Variants in RBFOX1 observed in about 807,000 individuals in gnomAD.
The protein encoded by RBFOX1 is RNA binding protein fox-1 homolog 1.
A neutral mutation model predicts 57.7 loss-of-function variants in RBFOX1; 8 were observed. The observed-to-expected ratio is 0.14, with a 90% CI of 0.08 to 0.25. The LOEUF is 0.25. Ranked by LOEUF, RBFOX1 falls within the 10% of genes least tolerant of loss-of-function variation. The probability of loss-of-function intolerance (pLI) is 1.00; values close to 1 mark genes in which losing one functional copy is unlikely to be tolerated. For synonymous variants in RBFOX1, 326 were observed against 222.4 expected (o/e 1.47, Z -4.15); for missense variants, 611 against 548.5 (o/e 1.11, Z -1.14).
intron 4 of RBFOX1, among the ~76,000 whole-genome samples, chr16:7,207,602 C>T (rs1354120248): frequency 6.6e-6 from 1 of 152,186 alleles, no homozygotes; most frequent in Non-Finnish European, 1.5e-5. Flanking sequence ...GAAACTATGA[C>T]AGCAAAACAG....
At chr16:5,308,771 T>C (rs1221556351) in intron 1 of RBFOX1, among the ~76,000 whole-genome samples, 2 of 152,084 alleles carry the variant, frequency 1.3e-5, no homozygotes, top group Non-Finnish European at 2.9e-5. Context: ...TCAATATTTG[T>C]CTTATATTAA....
intron 2 of RBFOX1, among the ~76,000 whole-genome samples, chr16:5,513,505 A>T (rs955089648): frequency 3.9e-4 from 60 of 152,230 alleles, no homozygotes; most frequent in African/African-American, 1.4e-3. Flanking sequence ...CCACCTCTTC[A>T]TTCTGTGCTC....
intron 4 of RBFOX1, among the ~76,000 whole-genome samples, chr16:7,269,995 A>G (rs2095278077): frequency 6.6e-6 from 1 of 152,152 alleles, no homozygotes; most frequent in Admixed American, 6.5e-5. Context: ...TCCCCTTTTC[A>G]TCTTGTCTGT....
intron 1 of RBFOX1, among the ~76,000 whole-genome samples, chr16:6,222,623 C>A (rs1027526590): frequency 5.5e-5 from 1 of 18,280 alleles, no homozygotes; most frequent in East Asian, 3.9e-3. Context: ...GGCCCCTGTT[C>A]CAGAGACTGT....
intron 3 of RBFOX1, among the ~76,000 whole-genome samples, chr16:5,641,064 G>A (rs980097234): frequency 2.8e-5 from 4 of 140,664 alleles, no homozygotes; most frequent in Non-Finnish European, 6.1e-5. Context: ...ATACACCCAT[G>A]CACACCATAC....
intron 2 of RBFOX1, among the ~76,000 whole-genome samples, chr16:5,525,843 C>G (rs2044224099): frequency 6.6e-6 from 1 of 152,088 alleles, no homozygotes; most frequent in African/African-American, 2.4e-5. Flanking sequence ...ACAAAGCTCC[C>G]TGTTGCTGCA....
At chr16:5,467,208 T>TA in intron 1 of RBFOX1, 2 of 1,488,794 alleles carry the variant, frequency 1.3e-6, no homozygotes, top group Non-Finnish European at 1.8e-6. Context: ...TTTTTTTTTT[T>TA]AATGCAGGAT....
At chr16:6,700,794 A>C (rs2061703668) in intron 3 of RBFOX1, among the ~76,000 whole-genome samples, 1 of 152,346 alleles carries the variant, frequency 6.6e-6, no homozygotes, top group South Asian at 2.1e-4. Flanking sequence ...GGCATATCCC[A>C]GCAAGTAATT....
chr16:6,796,348 C>A (rs1208185944), intron 3 of RBFOX1, among the ~76,000 whole-genome samples: 1 of 152,110 alleles, frequency 6.6e-6, no homozygotes, highest in African/African-American at 2.4e-5. Context: ...AGTGGGTACA[C>A]AGCCAAACCA....
intron 3 of RBFOX1, among the ~76,000 whole-genome samples, chr16:6,815,978 A>C (rs890698036): frequency 6.6e-6 from 1 of 152,200 alleles, no homozygotes; most frequent in African/African-American, 2.4e-5. Flanking sequence ...AAGGTTGGCA[A>C]ATCCTTTGAG....
At chr16:7,687,455 T>C (rs1282688528) in intron 14 of RBFOX1, among the ~76,000 whole-genome samples, 4 of 152,050 alleles carry the variant, frequency 2.6e-5, no homozygotes, top group African/African-American at 4.8e-5. Flanking sequence ...GTGCCTGATA[T>C]GTAGCAAGCC....
At chr16:5,518,545 G>C (rs191983868) in intron 2 of RBFOX1, among the ~76,000 whole-genome samples, 2 of 152,334 alleles carry the variant, frequency 1.3e-5, no homozygotes, top group African/African-American at 4.8e-5. Context: ...AAAAATGCAA[G>C]TGTTAATTTA....
At chr16:6,326,261 G>C (rs570723451) in intron 2 of RBFOX1, among the ~76,000 whole-genome samples, 1 of 152,060 alleles carries the variant, frequency 6.6e-6, no homozygotes, top group African/African-American at 2.4e-5. Context: ...TTTGATTTTG[G>C]ATTCTCGCTA....
At chr16:7,694,694 G>A (rs555753060) in intron 14 of RBFOX1, among the ~76,000 whole-genome samples, 2 of 152,308 alleles carry the variant, frequency 1.3e-5, no homozygotes, top group East Asian at 1.9e-4. Flanking sequence ...TAGGTGCAAT[G>A]GTTAATTGAA....
chr16:6,417,707 TA>T (rs1555463885), intron 2 of RBFOX1, among the ~76,000 whole-genome samples: 56 of 146,596 alleles, frequency 3.8e-4, no homozygotes, highest in Middle Eastern at 3.5e-3. Flanking sequence ...CCTTTCTTTT[TA>T]AAAAAAAAAA....
At chr16:6,569,800 G>T (rs955952065) in intron 2 of RBFOX1, among the ~76,000 whole-genome samples, 1 of 152,076 alleles carries the variant, frequency 6.6e-6, no homozygotes, top group Non-Finnish European at 1.5e-5. Flanking sequence ...TGAATTCCAC[G>T]GCTGTTTCGT....
intron 1 of RBFOX1, among the ~76,000 whole-genome samples, chr16:5,281,316 T>A (rs919629720): frequency 2.6e-5 from 4 of 152,196 alleles, no homozygotes; most frequent in African/African-American, 4.8e-5. Flanking sequence ...ATTTTTAAAA[T>A]TTTGTTGAGC....
chr16:5,377,587 G>A (rs1220956960), intron 1 of RBFOX1, among the ~76,000 whole-genome samples: 3 of 147,574 alleles, frequency 2.0e-5, no homozygotes, highest in Non-Finnish European at 1.5e-5. Flanking sequence ...GGAGATGGGG[G>A]GAGAGAGAGA....
At chr16:5,886,055 G>A (rs1042111367) in intron 4 of RBFOX1, among the ~76,000 whole-genome samples, 4 of 152,048 alleles carry the variant, frequency 2.6e-5, no homozygotes, top group African/African-American at 7.3e-5. Flanking sequence ...TCTTTCTCCC[G>A]CTCTGCCGTA....
Sources: allele counts gnomAD v4.1 joint callset (sites outside exome capture counted in the v4.1 genomes callset), GRCh38; gene constraint gnomAD v4.1.1; transcripts MANE v1.5; gene names NCBI Gene and HGNC (gene_info 2026-07-23, HGNC 2026-07-21).